POLR1D: variants seen among roughly 807,000 people sequenced by gnomAD.
POLR1D encodes the protein DNA-directed RNA polymerases I and III subunit RPAC2.
A neutral mutation model predicts 10.8 loss-of-function variants in POLR1D; 8 were observed. The ratio of observed to expected loss-of-function variants is 0.74; its 90% confidence interval spans 0.43 to 1.33. The LOEUF (loss-of-function observed/expected upper bound fraction) is 1.33. Among genes scored for constraint, POLR1D ranks in the 40% most tolerant of loss-of-function variants. The probability of loss-of-function intolerance (pLI) is 0.01; values close to 1 mark genes in which losing one functional copy is unlikely to be tolerated. For missense variants in POLR1D, 152 were observed against 161.7 expected (o/e 0.94, Z 0.32); for synonymous variants, 54 against 57.2 (o/e 0.94, Z 0.25).
At chr13:27,632,580 G>T (rs144002147) in intron 1 of POLR1D, among the ~76,000 whole-genome samples, 10 of 152,230 alleles carry the variant, frequency 6.6e-5, no homozygotes, top group African/African-American at 2.4e-4. Flanking sequence ...GAGCTGTGTA[G>T]TAAAGAACTG....
chr13:27,652,257 A>G (rs1255017679), intron 2 of POLR1D, among the ~76,000 whole-genome samples: 1 of 152,216 alleles, frequency 6.6e-6, no homozygotes, highest in African/African-American at 2.4e-5. Context: ...TATCCTGACA[A>G]CTTTAGTACC....
Position 27,621,962 on chromosome 13 carries a change from G to C in POLR1D, c.-22G>C, listed in dbSNP as rs898299613. On this transcript the variant is annotated 5_prime_UTR_variant, in exon 1 of 2. Transcript: ENST00000302979. ...CCCCCGATCCGCCAGCACCACCTGAGGATCCAGAAACCGCCCCAGCGATGG... is the reference window on the plus strand; with the variant it reads ...CCCCCGATCCGCCAGCACCACCTGACGATCCAGAAACCGCCCCAGCGATGG... The C allele has an allele frequency of 1.9e-6, 3 of 1,589,532 alleles. No individual in the cohort carries two copies. In the African/African-American group the frequency reaches 4.0e-5, roughly 21 times the overall value.
intron 2 of POLR1D, chr13:27,650,721 C>CA (rs1416240304): frequency 2.6e-5 from 4 of 152,152 alleles, no homozygotes; most frequent in African/African-American, 9.7e-5. Context: ...ACTCAGGACC[C>CA]ACTTGAAAGG....
intron 2 of POLR1D, among the ~76,000 whole-genome samples, chr13:27,661,785 A>T (rs1377011619): frequency 1.3e-5 from 2 of 152,186 alleles, no homozygotes; most frequent in East Asian, 3.8e-4. Context: ...TGAGCAGAGG[A>T]TCCTAAAACT....
At chr13:27,665,904 G>A (rs750166122) in exon 3 of POLR1D, 11 of 1,614,064 alleles carry the variant, frequency 6.8e-6, no homozygotes, top group East Asian at 6.7e-5. Flanking sequence ...TCCCCGCCAC[G>A]AAAGCGGAGC....
intron 1 of POLR1D, among the ~76,000 whole-genome samples, chr13:27,643,952 G>T (rs990320664): frequency 6.6e-6 from 1 of 152,060 alleles, no homozygotes; most frequent in Non-Finnish European, 1.5e-5. Flanking sequence ...TGCCTTTTTT[G>T]AACCTGTTTT....
At chr13:27,631,001 C>G (rs1487519404) in intron 1 of POLR1D, among the ~76,000 whole-genome samples, 2 of 152,238 alleles carry the variant, frequency 1.3e-5, no homozygotes, top group African/African-American at 4.8e-5. Context: ...TCCCGAACCT[C>G]TCTTCCCCTA....
In POLR1D at chr13:27,623,304, G is replaced by T. The variant is rs1258614206; in HGVS notation, c.*54G>T. 1.1e-5 allele frequency: 17 copies of T among 1,609,648 alleles called. No homozygotes were observed. The highest frequency in any genetic ancestry group is 1.3e-5 in the Non-Finnish European group (15 of 1,178,798). The stretch of plus-strand genomic sequence containing the variant: ...TCCTGTAGGATATTCTCTTCCTGAT[G>T]GTGCAGAACCCAGAATTAGAAGTTT... On this transcript the variant is annotated 3_prime_UTR_variant, in exon 2 of 2. Coordinates refer to ENST00000302979, the MANE Select transcript of POLR1D (RefSeq NM_015972.4).
At chr13:27,647,030 G>C (rs1180901279) in intron 1 of POLR1D, among the ~76,000 whole-genome samples, 1 of 152,044 alleles carries the variant, frequency 6.6e-6, no homozygotes, top group Non-Finnish European at 1.5e-5. Flanking sequence ...AAAAATTCAT[G>C]ATTAGATTTA....
chr13:27,666,169 C>A, exon 3 of POLR1D: 1 of 575,902 alleles, frequency 1.7e-6, no homozygotes. Flanking sequence ...CAAGTTTAAG[C>A]TACTTCTGCA....
At chr13:27,650,055 C>A in intron 2 of POLR1D, 1 of 398,454 alleles carries the variant, frequency 2.5e-6, no homozygotes, top group Non-Finnish European at 4.4e-6. Context: ...ATTACAGGGA[C>A]AAGATACAAA....
At chr13:27,638,971 AT>A (rs918650735) in intron 1 of POLR1D, among the ~76,000 whole-genome samples, 5 of 151,452 alleles carry the variant, frequency 3.3e-5, no homozygotes, top group Non-Finnish European at 2.9e-5. Context: ...ATTCTGCAAT[AT>A]TTTTTTCCTG....
intron 2 of POLR1D, among the ~76,000 whole-genome samples, chr13:27,648,652 C>T (rs778821149): frequency 2.6e-5 from 4 of 152,220 alleles, no homozygotes; most frequent in African/African-American, 4.8e-5. Context: ...GGGCAGCAGG[C>T]GCCTATGGAG....
exon 3 of POLR1D, chr13:27,666,878 C>T (rs1425113659): frequency 1.3e-5 from 2 of 152,302 alleles, no homozygotes; most frequent in African/African-American, 2.4e-5. Context: ...CAAGCACCCT[C>T]CTCCCCAGTT....
At chr13:27,646,691 T>C (rs1956223521) in intron 1 of POLR1D, among the ~76,000 whole-genome samples, 1 of 152,216 alleles carries the variant, frequency 6.6e-6, no homozygotes, top group Non-Finnish European at 1.5e-5. Flanking sequence ...TAAGCAGATG[T>C]ATTTTTGAAG....
downstream of POLR1D, among the ~76,000 whole-genome samples, chr13:27,628,229 G>A (rs538325020): frequency 4.6e-5 from 7 of 152,142 alleles, no homozygotes; most frequent in Non-Finnish European, 7.4e-5. Context: ...TGGCTCTTAC[G>A]GTCTGCACTC....
intron 2 of POLR1D, chr13:27,650,353 G>C: frequency 3.3e-6 from 1 of 300,572 alleles, no homozygotes; most frequent in Non-Finnish European, 6.1e-6. Context: ...TTTTATTGAG[G>C]TTTCATTACA....
chr13:27,646,467 T>TA (rs1347240508), intron 1 of POLR1D, among the ~76,000 whole-genome samples: 2 of 152,338 alleles, frequency 1.3e-5, no homozygotes, highest in South Asian at 2.1e-4. Flanking sequence ...CAGATGAACT[T>TA]ACCTCTTTGT....
At chr13:27,621,718 C>A, upstream of POLR1D, 1 of 285,542 alleles carries the variant, frequency 3.5e-6, no homozygotes, top group Admixed American at 5.3e-5. Context: ...CCTCCCGCCG[C>A]GAGTGGCCTC....
Sources: gnomAD v4.1 joint callset for allele counts (sites outside exome capture counted in the v4.1 genomes callset) on GRCh38, gnomAD v4.1.1 for gene constraint, MANE v1.5 for transcripts, NCBI Gene and HGNC (gene_info 2026-07-23, HGNC 2026-07-21) for gene names.